SGMS1: variants seen among roughly 807,000 people sequenced by gnomAD.
The protein encoded by SGMS1 is sphingomyelin synthase 1, also known as phosphatidylcholine:ceramide cholinephosphotransferase 1.
A neutral mutation model predicts 46.2 loss-of-function variants in SGMS1; 13 were observed. The observed-to-expected ratio is 0.28, with a 90% CI of 0.18 to 0.45. SGMS1 has a LOEUF of 0.45. Among genes scored for constraint, SGMS1 ranks in the 20% least tolerant of loss-of-function variants. SGMS1 has a pLI of 1.00. For missense variants in SGMS1, 324 were observed against 519.9 expected (o/e 0.62, Z 3.66); for synonymous variants, 203 against 187.8 (o/e 1.08, Z -0.66).
At chr10:50,511,501 G>T (rs1191252818) in intron 3 of SGMS1, among the ~76,000 whole-genome samples, 3 of 152,138 alleles carry the variant, frequency 2.0e-5, no homozygotes, top group South Asian at 2.1e-4. Flanking sequence ...GATGCTCAGG[G>T]CTTAAGAAAT....
intron 3 of SGMS1, among the ~76,000 whole-genome samples, chr10:50,469,840 C>A (rs1000869117): frequency 6.6e-6 from 1 of 152,128 alleles, no homozygotes. Context: ...GCATATGAAC[C>A]AAGGTTGTGG....
rs73318732 is a variant in SGMS1, at chr10:50,544,283, G to C, written c.-588-24362C>G. ...GGAAACTGAAGCCCAGAAAGGTAAA[G>C]TAAGGTGACTAAGTCACACAGGGAG... On this transcript the variant is annotated intron_variant, in intron 2 of 10. Coordinates refer to ENST00000361781, the MANE Select transcript of SGMS1 (RefSeq NM_147156.4). 8.9e-3 allele frequency among the ~76,000 whole-genome samples: 1,350 copies of C among 152,264 alleles called. 19 individuals carry two copies. Among genetic ancestry groups the C allele is most frequent in the African/African-American group, 0.031 (1,294 of 41,552 alleles).
chr10:50,465,939 T>A (rs1837323637), intron 4 of SGMS1, among the ~76,000 whole-genome samples: 1 of 150,888 alleles, frequency 6.6e-6, no homozygotes, highest in Non-Finnish European at 1.5e-5. Context: ...ACAAAAAAAA[T>A]AATAAAGTAG....
chr10:50,384,454 C>CTCCT (rs140611953), intron 6 of SGMS1, among the ~76,000 whole-genome samples: 1 of 147,690 alleles, frequency 6.8e-6, no homozygotes, highest in African/African-American at 2.5e-5. Context: ...CTCTCTTTCT[C>CTCCT]TCCTTCCTTC....
intron 2 of SGMS1, among the ~76,000 whole-genome samples, chr10:50,520,803 C>A (rs571692243): frequency 6.6e-6 from 1 of 152,300 alleles, no homozygotes; most frequent in East Asian, 1.9e-4. Context: ...GGTAGAAAAT[C>A]CACACAAAGG....
At chr10:50,555,812 G>T (rs952536057) in intron 2 of SGMS1, among the ~76,000 whole-genome samples, 2 of 152,108 alleles carry the variant, frequency 1.3e-5, no homozygotes, top group African/African-American at 4.8e-5. Context: ...TTCAGCAAGG[G>T]TTACTTAGAG....
At chr10:50,600,568 A>G (rs1236434071) in intron 1 of SGMS1, among the ~76,000 whole-genome samples, 1 of 152,210 alleles carries the variant, frequency 6.6e-6, no homozygotes, top group Non-Finnish European at 1.5e-5. Context: ...CAAGTCAACC[A>G]TATGCTTCTC....
intron 1 of SGMS1, chr10:50,590,594 A>C (rs1158073587): frequency 6.6e-6 from 1 of 152,146 alleles, no homozygotes; most frequent in Non-Finnish European, 1.5e-5. Flanking sequence ...TACATTGTGA[A>C]ATGATTGCCA....
At chr10:50,382,558 A>AACACACAC (rs1240446247) in intron 6 of SGMS1, among the ~76,000 whole-genome samples, 81 of 69,248 alleles carry the variant, frequency 1.2e-3, no homozygotes, top group African/African-American at 3.6e-3. Context: ...CACACACACA[A>AACACACAC]ACACACACAT....
intron 6 of SGMS1, among the ~76,000 whole-genome samples, chr10:50,355,832 G>A (rs1430961662): frequency 2.0e-5 from 3 of 151,540 alleles, no homozygotes; most frequent in Non-Finnish European, 4.4e-5. Flanking sequence ...TGTGGGGAGC[G>A]CCTCTGCCCC....
chr10:50,591,678 G>T (rs7075104), intron 1 of SGMS1, among the ~76,000 whole-genome samples: 56,867 of 152,078 alleles, frequency 0.37, 11,386 homozygotes, highest in East Asian at 0.74. Context: ...CTGGCGATTT[G>T]TAACCTCTCC....
intron 6 of SGMS1, among the ~76,000 whole-genome samples, chr10:50,422,552 T>C (rs1203419): frequency 0.87 from 132,880 of 152,206 alleles, 58,176 homozygotes; most frequent in East Asian, 1. Flanking sequence ...GAATCCACTG[T>C]GGAGAACAGA....
At chr10:50,480,717 G>A (rs1286869840) in intron 3 of SGMS1, among the ~76,000 whole-genome samples, 1 of 152,174 alleles carries the variant, frequency 6.6e-6, no homozygotes, top group African/African-American at 2.4e-5. Context: ...TGGCCTCTTG[G>A]TTTGTGGCCA....
chr10:50,411,596 C>T (rs1438546617), intron 6 of SGMS1, among the ~76,000 whole-genome samples: 1 of 152,198 alleles, frequency 6.6e-6, no homozygotes, highest in Non-Finnish European at 1.5e-5. Flanking sequence ...TGACAGAATG[C>T]ACCTAAAGTG....
At chr10:50,320,592 C>T (rs1847425407) in intron 8 of SGMS1, among the ~76,000 whole-genome samples, 1 of 152,174 alleles carries the variant, frequency 6.6e-6, no homozygotes, top group African/African-American at 2.4e-5. Context: ...AGAACCACGA[C>T]TCCTTAGTTG....
chr10:50,508,602 G>A (rs1837726847), intron 3 of SGMS1, among the ~76,000 whole-genome samples: 1 of 152,196 alleles, frequency 6.6e-6, no homozygotes. Context: ...TTTAAGTAAA[G>A]GATCTCCAAC....
chr10:50,586,518 A>C (rs1838485991), intron 2 of SGMS1, among the ~76,000 whole-genome samples: 1 of 152,174 alleles, frequency 6.6e-6, no homozygotes, highest in Non-Finnish European at 1.5e-5. Context: ...TAATATCAAC[A>C]CCTAATGAAC....
intron 3 of SGMS1, among the ~76,000 whole-genome samples, chr10:50,512,064 C>A (rs922741377): frequency 3.3e-5 from 5 of 152,082 alleles, no homozygotes; most frequent in African/African-American, 7.2e-5. Context: ...CATAGTAGGG[C>A]TTTGAGGGAG....
Position 50,510,160 on chromosome 10 carries a change from C to G in SGMS1, c.-498+9671G>C, listed in dbSNP as rs982991824. On this transcript the variant is annotated intron_variant, in intron 3 of 10. Transcript: ENST00000361781. ...TAAATTGAATCATAAAGTATGGATTCTTTTGAGTTTGGCTCCTTTCACATA... is the reference window on the plus strand; with the variant it reads ...TAAATTGAATCATAAAGTATGGATTGTTTTGAGTTTGGCTCCTTTCACATA... 6.6e-5 allele frequency among the ~76,000 whole-genome samples: 10 copies of G among 152,218 alleles called. No homozygotes were observed. The South Asian group carries it at 8.3e-4, about 13-fold the overall frequency.
Sources: allele counts gnomAD v4.1 joint callset (sites outside exome capture counted in the v4.1 genomes callset), GRCh38; gene constraint gnomAD v4.1.1; transcripts MANE v1.5; gene names NCBI Gene and HGNC (gene_info 2026-07-23, HGNC 2026-07-21).